The following MTBP variants were observed in gnomAD, a reference collection of about 807,000 sequenced individuals.
MTBP encodes MDM2 binding protein, also known as mdm2-binding protein.
MTBP carries 101 observed loss-of-function variants against 117.0 expected under a neutral mutation model. The observed-to-expected ratio is 0.86, with a 90% confidence interval of 0.73 to 1.02. MTBP has a LOEUF of 1.02. Among genes scored for constraint, MTBP ranks in the 50% least tolerant of loss-of-function variants. MTBP has a pLI of 0.00. For missense variants in MTBP, 970 were observed against 1,030.9 expected (o/e 0.94, Z 0.81); for synonymous variants, 350 against 351.5 (o/e 1.00, Z 0.05).
chr8:120,493,477 T>A (rs147575861), intron 13 of MTBP, among the ~76,000 whole-genome samples: 1 of 148,758 alleles, frequency 6.7e-6, no homozygotes, highest in Non-Finnish European at 1.5e-5. Flanking sequence ...TATGTGTGTG[T>A]GGGGGTGTAT....
At chr8:120,494,183 T>C (rs1000775236) in intron 13 of MTBP, among the ~76,000 whole-genome samples, 11 of 152,186 alleles carry the variant, frequency 7.2e-5, no homozygotes, top group Non-Finnish European at 1.5e-4. Flanking sequence ...CCTTGCATTA[T>C]TTATGTGCTG....
At chr8:120,517,156 C>A (rs975622437) in intron 18 of MTBP, among the ~76,000 whole-genome samples, 2 of 151,790 alleles carry the variant, frequency 1.3e-5, no homozygotes, top group African/African-American at 4.8e-5. Flanking sequence ...AAAATTTGGG[C>A]CTTGTCAGGA....
At chr8:120,505,772 T>TA (rs940685071) in intron 15 of MTBP, among the ~76,000 whole-genome samples, 64 of 152,314 alleles carry the variant, frequency 4.2e-4, no homozygotes, top group African/African-American at 1.4e-3. Context: ...CTGAAACCTC[T>TA]AACTGGAAAC....
chr8:120,518,423 CTG>C, intron 19 of MTBP, among the ~76,000 whole-genome samples: 1 of 152,160 alleles, frequency 6.6e-6, no homozygotes, highest in Non-Finnish European at 1.5e-5. Context: ...CATATCCCTG[CTG>C]TGTGTAACTT....
intron 11 of MTBP, among the ~76,000 whole-genome samples, chr8:120,483,172 A>G (rs575618621): frequency 3.9e-5 from 6 of 152,072 alleles, no homozygotes; most frequent in Middle Eastern, 3.2e-3. Context: ...AAGATGATTT[A>G]TGAATATAAA....
Position 120,470,619 on chromosome 8 carries a change from A to G in MTBP, c.1048-201A>G, listed in dbSNP as rs542020699. 6.6e-5 allele frequency among the ~76,000 whole-genome samples: 10 copies of G among 152,206 alleles called. No individual in the cohort carries two copies. The South Asian group carries it at 1.5e-3, about 22-fold the overall frequency. On this transcript the variant is annotated intron_variant, in intron 10 of 21. Coordinates refer to ENST00000305949, the MANE Select transcript of MTBP (RefSeq NM_022045.5). Reference sequence around the variant, plus strand: ...GCCTTTGCTGTTTTTGTTTGTCTGCATTTTAGCTTTTATTTTGTTTTGTTT... The same window carrying G: ...GCCTTTGCTGTTTTTGTTTGTCTGCGTTTTAGCTTTTATTTTGTTTTGTTT...
At chr8:120,501,360 A>G (rs1396841902) in intron 14 of MTBP, among the ~76,000 whole-genome samples, 1 of 150,174 alleles carries the variant, frequency 6.7e-6, no homozygotes, top group African/African-American at 2.5e-5. Flanking sequence ...ACTCCGTCTC[A>G]AAAACATAAA....
Position 120,502,599 on chromosome 8 carries a change from CA to C in MTBP, c.1723del (p.Met575Ter). 6.3e-7 allele frequency: 1 copy of C among 1,581,766 alleles called. No homozygotes were observed. The highest frequency in any genetic ancestry group is 1.4e-5 in the African/African-American group (1 of 73,750). Reference sequence around the variant, plus strand: ...TTTGGAAACTTTTGAAAAAACTAAACAAAAAATGAGGTAATATTTGAATCTG... The same window carrying C: ...TTTGGAAACTTTTGAAAAAACTAAACAAAAATGAGGTAATATTTGAATCTG... ...QNLETFEKTK[Q>X]KMRTGSLPHS... On this transcript the variant is annotated frameshift_variant, in exon 15 of 22. Transcript: ENST00000305949. LOFTEE classifies it high-confidence loss of function.
chr8:120,454,681 A>G (rs1028162304), intron 5 of MTBP, among the ~76,000 whole-genome samples: 3 of 152,102 alleles, frequency 2.0e-5, no homozygotes, highest in Non-Finnish European at 2.9e-5. Context: ...ATCATATATT[A>G]GTACAAAAAG....
At chr8:120,460,701 A>T (rs1563786974) in intron 8 of MTBP, among the ~76,000 whole-genome samples, 1 of 150,428 alleles carries the variant, frequency 6.6e-6, no homozygotes, top group East Asian at 1.9e-4. Context: ...TTTCACTAGA[A>T]TTTTTTTTTT....
chr8:120,488,052 T>C, intron 11 of MTBP, 107 bp from the exon 12 acceptor site: 1 of 939,950 alleles, frequency 1.1e-6, no homozygotes, highest in South Asian at 2.4e-5. Flanking sequence ...AACAGCTTGT[T>C]TTAAAATAAC....
In MTBP at chr8:120,516,146, T is replaced by A. The variant is rs779619866; in HGVS notation, c.2201T>A (p.Leu734Ter). 6.2e-7 allele frequency: 1 copy of A among 1,612,426 alleles called. No individual in the cohort carries two copies. The highest frequency in any genetic ancestry group is 8.5e-7 in the Non-Finnish European group (1 of 1,178,866). The part of the protein sequence containing the change: ...QNELRTEVSR[L>*]KRRSKDLNCL... Reference sequence around the variant, plus strand: ...GAACTTCGAACTGAAGTATCCCGATTGAAACGGAGATCTAAAGATCTGAAT... The same window carrying A: ...GAACTTCGAACTGAAGTATCCCGATAGAAACGGAGATCTAAAGATCTGAAT... The change falls in exon 18 of 22, where the codon TTG (leucine) becomes TAG (stop). Residue 734 changes from leucine (L) to a stop codon, truncating the protein, a stop_gained. Coordinates refer to ENST00000305949, the MANE Select transcript of MTBP (RefSeq NM_022045.5). LOFTEE classifies it high-confidence loss of function.
intron 7 of MTBP, among the ~76,000 whole-genome samples, chr8:120,457,512 A>T (rs1055918297): frequency 5.9e-5 from 9 of 152,290 alleles, no homozygotes; most frequent in African/African-American, 2.2e-4. Context: ...CTCTGATTAG[A>T]CAACAGGAAT....
chr8:120,495,318 T>C (rs1032916391), intron 13 of MTBP, among the ~76,000 whole-genome samples: 6 of 152,172 alleles, frequency 3.9e-5, no homozygotes, highest in Admixed American at 3.9e-4. Flanking sequence ...TTCTTTGTGG[T>C]AATCTAATTT....
chr8:120,500,792 C>G (rs1471181793), intron 14 of MTBP, among the ~76,000 whole-genome samples: 2 of 151,904 alleles, frequency 1.3e-5, no homozygotes, highest in Non-Finnish European at 2.9e-5. Context: ...CGTGGTGGCT[C>G]ACGCCTATAA....
Position 120,445,518 on chromosome 8 carries a change from G to A in MTBP, c.48G>A (p.Pro16=). 4 of 1,613,612 alleles carry A rather than the reference G, an allele frequency of 2.5e-6. No individual in the cohort carries two copies. Among genetic ancestry groups the A allele is most frequent in the Non-Finnish European group, 3.4e-6 (4 of 1,179,782 alleles). ...TGATCTGGGGGGAAGGAAAATTCCC[G>A]TCGGCGGCCAGTAGGGAGGCAGAAC... ...LLVIWGEGKF[P]SAASREAEHG... Residue 16 remains proline (P), a synonymous_variant, in exon 1 of 22, where the codon CCG becomes CCA. Transcript: ENST00000305949.
intron 17 of MTBP, among the ~76,000 whole-genome samples, chr8:120,511,919 C>A (rs1381698798): frequency 6.6e-6 from 1 of 152,064 alleles, no homozygotes; most frequent in Non-Finnish European, 1.5e-5. Context: ...AAAATATTGA[C>A]TCTGCTATGA....
chr8:120,488,749 T>G (rs1008003696), intron 12 of MTBP, among the ~76,000 whole-genome samples: 2 of 152,142 alleles, frequency 1.3e-5, no homozygotes, highest in African/African-American at 4.8e-5. Flanking sequence ...TACCCCAAAT[T>G]TGGCTTAAAA....
chr8:120,484,598 G>C (rs537310077), intron 11 of MTBP, among the ~76,000 whole-genome samples: 1 of 152,064 alleles, frequency 6.6e-6, no homozygotes, highest in African/African-American at 2.4e-5. Context: ...CTTTCTTTTT[G>C]TGAGCAGAAC....
Sources: allele counts gnomAD v4.1 joint callset (sites outside exome capture counted in the v4.1 genomes callset), GRCh38; gene constraint gnomAD v4.1.1; transcripts MANE v1.5; gene names NCBI Gene and HGNC (gene_info 2026-07-23, HGNC 2026-07-21).